The following RAB10 variants were observed in gnomAD, a reference collection of about 807,000 sequenced individuals.
RAB10 encodes RAB10, member RAS oncogene family.
A neutral mutation model predicts 25.7 loss-of-function variants in RAB10; 5 were observed. That is an observed-to-expected ratio of 0.19 (90% CI 0.10 to 0.41). The LOEUF is 0.41. RAB10 is among the 10% of genes least tolerant of loss of function. The pLI, the probability that RAB10 is intolerant of heterozygous loss-of-function variation, is 1.00. For missense variants in RAB10, 103 were observed against 245.8 expected (o/e 0.42, Z 3.89); for synonymous variants, 89 against 86.4 (o/e 1.03, Z -0.16).
At chr2:26,129,675 AAC>A (rs1398130234) in intron 5 of RAB10, among the ~76,000 whole-genome samples, 3 of 152,178 alleles carry the variant, frequency 2.0e-5, no homozygotes, top group African/African-American at 7.2e-5. Context: ...AACTGGAAAA[AAC>A]AGTCATCAGT....
intron 1 of RAB10, among the ~76,000 whole-genome samples, chr2:26,050,089 T>C (rs1448146893): frequency 6.6e-6 from 1 of 152,224 alleles, no homozygotes; most frequent in African/African-American, 2.4e-5. Context: ...GATACCCTGT[T>C]TTTTTGCAAT....
chr2:26,122,446 T>G (rs969564814), intron 3 of RAB10, among the ~76,000 whole-genome samples: 16 of 151,804 alleles, frequency 1.1e-4, no homozygotes, highest in African/African-American at 3.1e-4. Flanking sequence ...GGCTAACACG[T>G]TGAAACCCCG....
At chr2:26,103,647 T>C (rs1667389403) in intron 2 of RAB10, among the ~76,000 whole-genome samples, 1 of 152,198 alleles carries the variant, frequency 6.6e-6, no homozygotes, top group Admixed American at 6.5e-5. Context: ...AATTTAATAG[T>C]TTTTAGTATA....
chr2:26,115,922 C>A (rs1030494023), intron 3 of RAB10, among the ~76,000 whole-genome samples: 5 of 150,624 alleles, frequency 3.3e-5, no homozygotes, highest in Non-Finnish European at 5.9e-5. Context: ...TGCAGTGGCG[C>A]CATCTTGGCT....
At chr2:26,086,935 GA>G (rs1559589204) in intron 1 of RAB10, among the ~76,000 whole-genome samples, 1 of 152,198 alleles carries the variant, frequency 6.6e-6, no homozygotes, top group African/African-American at 2.4e-5. Context: ...CACTGAGACA[GA>G]ATACAGATGA....
chr2:26,034,262 G>T lies in RAB10; in HGVS notation c.-347G>T, dbSNP rs991689148. On this transcript the variant is annotated 5_prime_UTR_variant, in exon 1 of 6. Coordinates refer to ENST00000264710, the MANE Select transcript of RAB10 (RefSeq NM_016131.5). ...CGGGAGAGAGACTGTCCTCACGCCCGCTGCGCCTCCTCGACGGCAGAGCAG... is the reference window on the plus strand; with the variant it reads ...CGGGAGAGAGACTGTCCTCACGCCCTCTGCGCCTCCTCGACGGCAGAGCAG... 2 of 501,926 alleles carry T rather than the reference G, an allele frequency of 4.0e-6. No individual in the cohort carries two copies. The highest frequency in any genetic ancestry group is 3.5e-6 in the Non-Finnish European group (1 of 282,176). The allele number at this position is 501,926 out of a possible 1,614,324, so 31.1% of individuals were successfully genotyped here.
intron 1 of RAB10, among the ~76,000 whole-genome samples, chr2:26,092,038 G>A (rs1386824144): frequency 6.6e-6 from 1 of 152,032 alleles, no homozygotes; most frequent in East Asian, 1.9e-4. Context: ...CATGTGTGGT[G>A]GTGCGTGCCT....
chr2:26,061,205 C>T (rs992838024), intron 1 of RAB10, among the ~76,000 whole-genome samples: 2 of 150,818 alleles, frequency 1.3e-5, no homozygotes, highest in South Asian at 4.2e-4. Context: ...ACCTCTGCCT[C>T]CCGGGCTCAA....
At chr2:26,097,908 T>C (rs1436363567) in intron 1 of RAB10, among the ~76,000 whole-genome samples, 1 of 152,200 alleles carries the variant, frequency 6.6e-6, no homozygotes, top group Non-Finnish European at 1.5e-5. Context: ...TCCTGAAGAA[T>C]AGACTGCTTT....
At chr2:26,075,812 A>C (rs1200532590) in intron 1 of RAB10, among the ~76,000 whole-genome samples, 1 of 152,082 alleles carries the variant, frequency 6.6e-6, no homozygotes, top group Non-Finnish European at 1.5e-5. Context: ...ATGTAGAAAA[A>C]TATGAAAACT....
rs79250356 is a variant in RAB10, at chr2:26,090,906, C to T, written c.128-7756C>T. On this transcript the variant is annotated intron_variant, in intron 1 of 5. Transcript: ENST00000264710. Reference sequence around the variant, plus strand: ...CTGAGATCATGCCACCGCATTCAAGCTTGGGCAAAAGAGCGAGACCCTGTC... The same window carrying T: ...CTGAGATCATGCCACCGCATTCAAGTTTGGGCAAAAGAGCGAGACCCTGTC... Among the ~76,000 whole-genome samples, 561 of 147,790 alleles carry T rather than the reference C, an allele frequency of 3.8e-3. 4 individuals carry two copies. Among genetic ancestry groups the T allele is most frequent in the African/African-American group, 0.013 (534 of 39,764 alleles).
At chr2:26,085,181 A>C (rs1285993450) in intron 1 of RAB10, among the ~76,000 whole-genome samples, 2 of 152,158 alleles carry the variant, frequency 1.3e-5, no homozygotes, top group African/African-American at 4.8e-5. Flanking sequence ...CTTGTGCATC[A>C]AAGGGCATAT....
intron 1 of RAB10, among the ~76,000 whole-genome samples, chr2:26,098,178 G>A (rs1204449354): frequency 8.1e-6 from 1 of 123,594 alleles, no homozygotes; most frequent in African/African-American, 3.1e-5. Flanking sequence ...CAAGTGCAGT[G>A]GCACAATTAA....
intron 1 of RAB10, among the ~76,000 whole-genome samples, chr2:26,084,888 T>C (rs903763916): frequency 1.3e-5 from 2 of 152,226 alleles, no homozygotes; most frequent in Non-Finnish European, 2.9e-5. Context: ...ACTTTTCTTA[T>C]AAGCCTGATT....
At chr2:26,060,180 A>G (rs978876241) in intron 1 of RAB10, among the ~76,000 whole-genome samples, 2 of 152,208 alleles carry the variant, frequency 1.3e-5, no homozygotes, top group African/African-American at 4.8e-5. Context: ...GGAGGGGGAA[A>G]GAGAAGGAAA....
At chr2:26,081,372 C>A (rs1450845591) in intron 1 of RAB10, among the ~76,000 whole-genome samples, 1 of 152,094 alleles carries the variant, frequency 6.6e-6, no homozygotes, top group Non-Finnish European at 1.5e-5. Flanking sequence ...ATTCCTGACT[C>A]CTCCACCCCA....
At chr2:26,089,104 T>C (rs78424637) in intron 1 of RAB10, among the ~76,000 whole-genome samples, 2,305 of 152,142 alleles carry the variant, frequency 0.015, 40 homozygotes, top group African/African-American at 0.04. Context: ...CTTGGGGCCA[T>C]GCTCAGAAAT....
At chr2:26,097,273 CTTTTCTT>C in intron 1 of RAB10, among the ~76,000 whole-genome samples, 1 of 152,122 alleles carries the variant, frequency 6.6e-6, no homozygotes, top group Non-Finnish European at 1.5e-5. Flanking sequence ...CCTCAATACT[CTTTTCTT>C]TGTTTGTTTT....
chr2:26,124,389 C>CTTTTTTT (rs10669615), intron 3 of RAB10, among the ~76,000 whole-genome samples: 2,009 of 19,638 alleles, frequency 0.1, 801 homozygotes, highest in Middle Eastern at 0.29. Flanking sequence ...GTTGTTGTTG[C>CTTTTTTT]TTTTTTTTTT....
Sources: allele counts gnomAD v4.1 joint callset (sites outside exome capture counted in the v4.1 genomes callset), GRCh38; gene constraint gnomAD v4.1.1; transcripts MANE v1.5; gene names NCBI Gene and HGNC (gene_info 2026-07-23, HGNC 2026-07-21).